Variants in DGKD observed in about 807,000 individuals in gnomAD.
DGKD encodes the protein diacylglycerol kinase delta.
Under a neutral mutation model 154.4 loss-of-function variants are expected in DGKD, and 68 were observed. The ratio of observed to expected loss-of-function variants is 0.44; its 90% confidence interval spans 0.36 to 0.54. DGKD has a LOEUF of 0.54. Ranked by LOEUF, DGKD falls within the 20% of genes least tolerant of loss-of-function variation. The probability of loss-of-function intolerance (pLI) is 0.00; values close to 1 mark genes in which losing one functional copy is unlikely to be tolerated. For missense variants in DGKD, 1,343 were observed against 1,593.6 expected (o/e 0.84, Z 2.68); for synonymous variants, 693 against 638.0 (o/e 1.09, Z -1.30).
At chr2:233,361,135 C>T (rs1701763568) in intron 1 of DGKD, among the ~76,000 whole-genome samples, 1 of 152,194 alleles carries the variant, frequency 6.6e-6, no homozygotes, top group African/African-American at 2.4e-5. Flanking sequence ...AGTGCCTTAG[C>T]AGGGCTGAGG....
chr2:233,397,318 GAGAGGACACC>G (rs1179868696), intron 3 of DGKD, among the ~76,000 whole-genome samples: 1 of 114,888 alleles, frequency 8.7e-6, no homozygotes, highest in East Asian at 2.7e-4. Flanking sequence ...GGGCCAGAGC[GAGAGGACACC>G]AGAGGGGACC....
At chr2:233,359,226 C>T (rs149052113) in intron 1 of DGKD, among the ~76,000 whole-genome samples, 1 of 152,288 alleles carries the variant, frequency 6.6e-6, no homozygotes, top group East Asian at 1.9e-4. Context: ...TCTAAACCTC[C>T]CTTAAGACGT....
At chr2:233,394,365 C>T (rs1433943524) in intron 3 of DGKD, among the ~76,000 whole-genome samples, 1 of 152,096 alleles carries the variant, frequency 6.6e-6, no homozygotes, top group East Asian at 1.9e-4. Flanking sequence ...GCCTCAGCCT[C>T]CCAGTTAGCT....
Position 233,451,578 on chromosome 2 carries a change from T to TG in DGKD, c.2168-386_2168-385insG, listed in dbSNP as rs1375821468. Among the ~76,000 whole-genome samples the TG allele has an allele frequency of 5.9e-5, 9 of 152,184 alleles. No homozygotes were observed. In the South Asian group the frequency reaches 1.9e-3, roughly 32 times the overall value. On this transcript the variant is annotated intron_variant, in intron 17 of 29. Coordinates refer to ENST00000264057, the MANE Select transcript of DGKD (RefSeq NM_152879.3). ...AAACTGACTCTATAAGCCTTTTTTTTTTTTTTTAAAAGAGGGTCTCTCTCT... is the reference window on the plus strand; with the variant it reads ...AAACTGACTCTATAAGCCTTTTTTTTGTTTTTTTAAAAGAGGGTCTCTCTCT...
chr2:233,436,173 G>A (rs1271291348), intron 6 of DGKD, 143 bp from the exon 7 acceptor site: 5 of 1,392,720 alleles, frequency 3.6e-6, no homozygotes, highest in Admixed American at 3.8e-5. Flanking sequence ...CACAGGCCCT[G>A]CCATCCCTTC....
rs953569405 is a variant in DGKD, at chr2:233,459,610, C to T, written c.2695-147C>T. On this transcript the variant is annotated intron_variant, in intron 22 of 29. Coordinates refer to ENST00000264057, the MANE Select transcript of DGKD (RefSeq NM_152879.3). The surrounding 1 kb of genome is among the most constrained non-coding windows in gnomAD (Gnocchi z 5.7). Reference sequence around the variant, plus strand: ...ACAACAGCAGAAGGCTAGCTGCAGGCGGAGCGCCATCCCAGAGGCAGAGGT... The same window carrying T: ...ACAACAGCAGAAGGCTAGCTGCAGGTGGAGCGCCATCCCAGAGGCAGAGGT... The T allele has an allele frequency of 2.1e-5, 22 of 1,057,914 alleles. No individual in the cohort carries two copies. The highest frequency in any genetic ancestry group is 5.0e-5 in the East Asian group (2 of 39,638). 65.5% of individuals were successfully genotyped at this position (1,057,914 alleles called of 1,614,324 possible).
intron 3 of DGKD, among the ~76,000 whole-genome samples, chr2:233,423,092 G>T (rs1040606462): frequency 6.6e-6 from 1 of 152,146 alleles, no homozygotes; most frequent in Non-Finnish European, 1.5e-5. Context: ...CTTATCAGTG[G>T]TTGTTCCTTT....
At chr2:233,467,389 C>T (rs1366141732) in intron 28 of DGKD, among the ~76,000 whole-genome samples, 186 bp downstream of exon 28, 1 of 152,234 alleles carries the variant, frequency 6.6e-6, no homozygotes, top group East Asian at 1.9e-4. Flanking sequence ...CCTGCTTCCC[C>T]TCTGACCGTT....
rs1275120726 is a variant in DGKD, at chr2:233,438,394, A to T, written c.1085+15A>T. The T allele has an allele frequency of 5.6e-6, 9 of 1,598,314 alleles. No individual in the cohort carries two copies. The highest frequency in any genetic ancestry group is 7.7e-6 in the Non-Finnish European group (9 of 1,171,238). On this transcript the variant is annotated intron_variant, in intron 9 of 29. Coordinates refer to ENST00000264057, the MANE Select transcript of DGKD (RefSeq NM_152879.3). The surrounding 1 kb of genome is among the most constrained non-coding windows in gnomAD (Gnocchi z 4.1). ...CCACACCTCGGGTAGGAAGCTTGTA[A>T]AATATATCTTTCTTGGAGTTTTAAA...
At position 233,438,127 on chromosome 2, in the gene DGKD, TG is replaced by T. The variant is rs1039793912; in HGVS notation, c.923-83del. 5.5e-6 allele frequency: 8 copies of T among 1,448,486 alleles called. No homozygotes were observed. Among genetic ancestry groups the T allele is most frequent in the South Asian group, 3.9e-5 (3 of 77,342 alleles). 89.7% of individuals were successfully genotyped at this position (1,448,486 alleles called of 1,614,324 possible). A position where few individuals can be genotyped will look rare whatever the true frequency, so the allele number is the denominator to read the frequency against. On this transcript the variant is annotated intron_variant, in intron 8 of 29. Coordinates refer to ENST00000264057, the MANE Select transcript of DGKD (RefSeq NM_152879.3). The surrounding 1 kb of genome is among the most constrained non-coding windows in gnomAD (Gnocchi z 4.1). ...GTGCATGTGTCAGGTGTGTGTCCTT[TG>T]GGGGGGTCTGCTGCTGCTGATTCCA... is the stretch of plus-strand genomic sequence containing the variant.
intron 3 of DGKD, among the ~76,000 whole-genome samples, chr2:233,422,540 G>A (rs189596734): frequency 6.6e-6 from 1 of 152,306 alleles, no homozygotes; most frequent in African/African-American, 2.4e-5. Context: ...TACCAAAGGT[G>A]TGTCGGCTGT....
At chr2:233,379,012 C>T (rs1702740797) in intron 1 of DGKD, among the ~76,000 whole-genome samples, 1 of 152,222 alleles carries the variant, frequency 6.6e-6, no homozygotes, top group African/African-American at 2.4e-5. Context: ...GCCTGGTTGG[C>T]AGTGTGAGAA....
At position 233,435,853 on chromosome 2, in the gene DGKD, C is replaced by T. The variant is rs369141889; in HGVS notation, c.622C>T (p.Arg208Cys). The T allele has an allele frequency of 1.9e-5, 30 of 1,612,462 alleles. No homozygotes were observed. Among genetic ancestry groups the T allele is most frequent in the African/African-American group, 2.7e-5 (2 of 74,816 alleles). ...KFKAHKRCAVRATNNCKWTTL... is the reference protein window; with the variant it reads ...KFKAHKRCAVCATNNCKWTTL... ...TAAGGCCCACAAGCGCTGTGCTGTG[C>T]GTGCAACCAATAACTGCAAGTGGAC... Residue 208 changes from arginine (R) to cysteine (C), a missense_variant, in exon 6 of 30, where the codon CGT becomes TGT. By Grantham distance (180) the Arg-to-Cys change is radical. This residue lies in a region of DGKD where 332 missense variants were observed against 400.1 expected (regional missense o/e 0.83). Coordinates refer to ENST00000264057, the MANE Select transcript of DGKD (RefSeq NM_152879.3).
chr2:233,355,933 C>T (rs138538045), intron 1 of DGKD, among the ~76,000 whole-genome samples: 52 of 152,272 alleles, frequency 3.4e-4, no homozygotes, highest in African/African-American at 1.2e-3. Context: ...ATGACTTGCC[C>T]AGGGTGTCAC....
rs2062909843 is a variant in DGKD, at chr2:233,442,015, C to A, written c.1194+20C>A. 2 of 1,604,150 alleles carry A rather than the reference C, an allele frequency of 1.2e-6. No homozygotes were observed. Among genetic ancestry groups the A allele is most frequent in the African/African-American group, 1.3e-5 (1 of 74,668 alleles). ...AAACAGGTACCAGGACAGGAGGGAG[C>A]CCAGCCAGGAGCAGAGAGGGTGCGG... On this transcript the variant is annotated intron_variant, in intron 10 of 29. Coordinates refer to ENST00000264057, the MANE Select transcript of DGKD (RefSeq NM_152879.3).
intron 1 of DGKD, among the ~76,000 whole-genome samples, chr2:233,362,985 C>A (rs1003441244): frequency 6.6e-6 from 1 of 152,056 alleles, no homozygotes; most frequent in African/African-American, 2.4e-5. Context: ...ATAGCACATA[C>A]AAGTATATAC....
At chr2:233,453,634 G>A (rs2063359005) in intron 18 of DGKD, among the ~76,000 whole-genome samples, 1 of 152,234 alleles carries the variant, frequency 6.6e-6, no homozygotes, top group Non-Finnish European at 1.5e-5. Flanking sequence ...AGTTTCTTTG[G>A]GAACTTCCAG....
At position 233,448,198 on chromosome 2, in the gene DGKD, C is replaced by G. The variant is rs1177239888; in HGVS notation, c.1514+17C>G. The G allele has an allele frequency of 6.2e-7, 1 of 1,614,110 alleles. No individual in the cohort carries two copies. The highest frequency in any genetic ancestry group is 8.5e-7 in the Non-Finnish European group (1 of 1,180,010). On this transcript the variant is annotated intron_variant, in intron 13 of 29. Coordinates refer to ENST00000264057, the MANE Select transcript of DGKD (RefSeq NM_152879.3). The stretch of plus-strand genomic sequence containing the variant: ...CTCGGCCAAGTGAGTGCCTGGTGGC[C>G]CTGGGGAGGGCATGGTGCCCTGGCC...
rs530977110 is a variant in DGKD at position 233,441,108 on chromosome 2, G to C, written c.1086-779G>C. Among the ~76,000 whole-genome samples the C allele has an allele frequency of 9.8e-5, 15 of 152,336 alleles. No individual in the cohort carries two copies. Among genetic ancestry groups the C allele is most frequent in the African/African-American group, 3.4e-4 (14 of 41,576 alleles). ...GAGTGGCCTGGGGGCTGTTGATCCAGAGTCACCTGTGTGGTCCTTGAAACT... is the reference window on the plus strand; with the variant it reads ...GAGTGGCCTGGGGGCTGTTGATCCACAGTCACCTGTGTGGTCCTTGAAACT... On this transcript the variant is annotated intron_variant, in intron 9 of 29. Coordinates refer to ENST00000264057, the MANE Select transcript of DGKD (RefSeq NM_152879.3). This position sits in a 1 kb window ranked among gnomAD's most constrained non-coding sequence, Gnocchi z 5.6.
Sources: allele counts gnomAD v4.1 joint callset (sites outside exome capture counted in the v4.1 genomes callset), GRCh38; gene constraint gnomAD v4.1.1; regional missense constraint gnomAD v4.1.1; non-coding constraint Gnocchi (gnomAD v3.1); transcripts MANE v1.5; gene names NCBI Gene and HGNC (gene_info 2026-07-23, HGNC 2026-07-21).